ACTR3C: variants seen among roughly 807,000 people sequenced by gnomAD.
The protein encoded by ACTR3C is actin-related protein 3C.
A neutral mutation model predicts 26.3 loss-of-function variants in ACTR3C; 18 were observed. That is an observed-to-expected ratio of 0.68 (90% CI 0.47 to 1.01). The LOEUF (loss-of-function observed/expected upper bound fraction) is 1.01. ACTR3C is among the 50% of genes least tolerant of loss of function. The probability of loss-of-function intolerance (pLI) is 0.00; values close to 1 mark genes in which losing one functional copy is unlikely to be tolerated. For synonymous variants in ACTR3C, 55 were observed against 94.5 expected (o/e 0.58, Z 2.42); for missense variants, 184 against 250.7 (o/e 0.73, Z 1.80).
At chr7:150,153,219 A>C in the ACTR3C span, among the ~76,000 whole-genome samples, 1 of 152,200 alleles carries the variant, frequency 6.6e-6, no homozygotes, top group African/African-American at 2.4e-5. Flanking sequence ...AAAACTGACA[A>C]ATGGGATCTA....
the ACTR3C span, among the ~76,000 whole-genome samples, chr7:149,982,052 G>A: frequency 6.6e-6 from 1 of 152,188 alleles, no homozygotes; most frequent in Non-Finnish European, 1.5e-5. Context: ...GTAAATCAGG[G>A]CGGACATTCT....
chr7:150,048,557 C>T, the ACTR3C span, among the ~76,000 whole-genome samples: 2 of 151,950 alleles, frequency 1.3e-5, no homozygotes, highest in Admixed American at 1.3e-4. Context: ...TGCCCCGCAG[C>T]ACGCGAGCGG....
the ACTR3C span, among the ~76,000 whole-genome samples, chr7:150,093,815 G>C: frequency 4.0e-5 from 6 of 151,058 alleles, 1 homozygote; most frequent in African/African-American, 1.5e-4. Context: ...ATACCCAGCA[G>C]CACCAACCAG....
chr7:150,079,735 G>A, the ACTR3C span, among the ~76,000 whole-genome samples: 1 of 152,062 alleles, frequency 6.6e-6, no homozygotes, highest in African/African-American at 2.4e-5. Flanking sequence ...TTTTTCACAT[G>A]TCTACCCATT....
the ACTR3C span, among the ~76,000 whole-genome samples, chr7:149,897,768 C>T: frequency 3.3e-5 from 5 of 152,206 alleles, no homozygotes; most frequent in Non-Finnish European, 5.9e-5. Flanking sequence ...ATCCCAGCTA[C>T]TCAGGAGGCT....
At chr7:150,026,993 G>A in the ACTR3C span, among the ~76,000 whole-genome samples, 2,119 of 151,886 alleles carry the variant, frequency 0.014, 16 homozygotes, top group Non-Finnish European at 0.018. Flanking sequence ...AAATCAAACC[G>A]AGGCTTAAGG....
chr7:149,946,617 G>C, the ACTR3C span, among the ~76,000 whole-genome samples: 1 of 152,130 alleles, frequency 6.6e-6, no homozygotes, highest in Admixed American at 6.5e-5. Flanking sequence ...GAGGGCAAGT[G>C]GGGGGCCTTG....
At chr7:150,259,908 T>A (rs1359348797) in intron 6 of ACTR3C, among the ~76,000 whole-genome samples, 1 of 152,208 alleles carries the variant, frequency 6.6e-6, no homozygotes, top group African/African-American at 2.4e-5. Flanking sequence ...AGAATTAGTA[T>A]GTTCACTTTG....
chr7:150,041,614 G>A, the ACTR3C span, among the ~76,000 whole-genome samples: 65 of 114,714 alleles, frequency 5.7e-4, no homozygotes, highest in Middle Eastern at 6.5e-3. Context: ...CTGGCTCTCA[G>A]TCCCTGCCTC....
At chr7:150,223,293 C>T in the ACTR3C span, among the ~76,000 whole-genome samples, 1 of 151,882 alleles carries the variant, frequency 6.6e-6, no homozygotes, top group Non-Finnish European at 1.5e-5. Context: ...ATGGATGTAC[C>T]ATTATTAATT....
downstream of ACTR3C, chr7:150,245,488 G>A (rs974958182): frequency 6.6e-6 from 1 of 152,244 alleles, no homozygotes; most frequent in Non-Finnish European, 1.5e-5. Flanking sequence ...AGGCCGGAGG[G>A]CCACTCAGGG....
the ACTR3C span, among the ~76,000 whole-genome samples, chr7:150,009,785 G>A: frequency 6.6e-6 from 1 of 152,236 alleles, no homozygotes; most frequent in Middle Eastern, 3.2e-3. Flanking sequence ...GTGGCTTTTA[G>A]TGAGAAGTGT....
chr7:149,892,069 G>A, the ACTR3C span, among the ~76,000 whole-genome samples: 22 of 145,732 alleles, frequency 1.5e-4, no homozygotes, highest in Admixed American at 4.9e-4. Flanking sequence ...GCATTCCAGG[G>A]ATCTGTTAAT....
the ACTR3C span, among the ~76,000 whole-genome samples, chr7:150,097,807 A>G: frequency 6.6e-6 from 1 of 151,512 alleles, no homozygotes; most frequent in African/African-American, 2.4e-5. Context: ...TGTCATCTGT[A>G]TTTCTCTCTT....
chr7:150,209,726 C>A, the ACTR3C span, among the ~76,000 whole-genome samples: 1 of 131,594 alleles, frequency 7.6e-6, no homozygotes, highest in African/African-American at 3.8e-5. Context: ...TAAAAATACA[C>A]ACACACACAC....
At position 150,252,124 on chromosome 7, in the gene ACTR3C, C is replaced by CTG. The variant is rs59701305; in HGVS notation, c.565-3072_565-3071dup. Among the ~76,000 whole-genome samples, 379 of 146,962 alleles carry CTG rather than the reference C, an allele frequency of 2.6e-3. 2 individuals are homozygous for CTG. Among genetic ancestry groups the CTG allele is most frequent in the East Asian group, 5.0e-3 (25 of 5,040 alleles). On this transcript the variant is annotated intron_variant, in intron 6 of 7. Transcript: ENST00000683684. ...CCTCCGTGTGTGTTTGTGTATGTGT[C>CTG]TGTGTGTGTGTGTGTGTGTGTGCAT...
chr7:149,982,776 T>C, the ACTR3C span, among the ~76,000 whole-genome samples: 4 of 152,310 alleles, frequency 2.6e-5, no homozygotes, highest in South Asian at 2.1e-4. Context: ...TTGCAAAATA[T>C]TCTGTGAAGA....
the ACTR3C span, among the ~76,000 whole-genome samples, chr7:150,238,116 C>T: frequency 6.7e-6 from 1 of 148,708 alleles, no homozygotes; most frequent in African/African-American, 2.6e-5. Flanking sequence ...ACGCTAACAA[C>T]CATAACTTTA....
At chr7:150,194,964 C>T in the ACTR3C span, among the ~76,000 whole-genome samples, 5 of 151,832 alleles carry the variant, frequency 3.3e-5, no homozygotes, top group African/African-American at 7.3e-5. Context: ...AGTGATGATG[C>T]GTGCCTGTAA....
Sources: allele counts gnomAD v4.1 joint callset (sites outside exome capture counted in the v4.1 genomes callset), GRCh38; gene constraint gnomAD v4.1.1; transcripts MANE v1.5; gene names NCBI Gene and HGNC (gene_info 2026-07-23, HGNC 2026-07-21).